The following CDHR2 variants were observed in gnomAD, a reference collection of about 807,000 sequenced individuals.
CDHR2 encodes cadherin-related family member 2.
CDHR2 carries 104 observed loss-of-function variants against 138.6 expected under a neutral mutation model. The observed-to-expected ratio is 0.75, with a 90% CI of 0.64 to 0.88. CDHR2 has a LOEUF of 0.88. Among genes scored for constraint, CDHR2 ranks in the 40% least tolerant of loss-of-function variants. The pLI, the probability that CDHR2 is intolerant of heterozygous loss-of-function variation, is 0.00. For missense variants in CDHR2, 1,624 were observed against 1,727.6 expected (o/e 0.94, Z 1.06); for synonymous variants, 755 against 742.8 (o/e 1.02, Z -0.27).
intron 31 of CDHR2, 138 bp from the exon 32 acceptor site, chr5:176,595,394 A>G: frequency 2.2e-6 from 2 of 905,142 alleles, no homozygotes; most frequent in East Asian, 2.8e-5. Flanking sequence ...CCTGGACCAG[A>G]GGCCCCAGGA....
chr5:176,563,083 C>T (rs886280142), intron 1 of CDHR2, among the ~76,000 whole-genome samples: 2 of 152,154 alleles, frequency 1.3e-5, no homozygotes, highest in Non-Finnish European at 2.9e-5. Flanking sequence ...CGCAGTGGCT[C>T]ACACCTGTAA....
intron 6 of CDHR2, among the ~76,000 whole-genome samples, chr5:176,573,593 G>T: frequency 6.6e-6 from 1 of 151,896 alleles, no homozygotes; most frequent in Non-Finnish European, 1.5e-5. Context: ...GTTACAGTGA[G>T]CCGAGATCGT....
At chr5:176,574,650 T>C (rs1480997895) in intron 7 of CDHR2, among the ~76,000 whole-genome samples, 4 of 152,220 alleles carry the variant, frequency 2.6e-5, no homozygotes, top group Non-Finnish European at 5.9e-5. Context: ...CACATCCTCC[T>C]GTGTGCTTTA....
intron 1 of CDHR2, among the ~76,000 whole-genome samples, chr5:176,557,687 T>TCC (rs1335329921): frequency 0.016 from 295 of 18,086 alleles, 3 homozygotes; most frequent in Admixed American, 0.02. Context: ...TTGATTTTTT[T>TCC]TTCTTTCTTT....
intron 31 of CDHR2, among the ~76,000 whole-genome samples, chr5:176,594,271 G>C (rs192685543): frequency 6.6e-6 from 1 of 152,226 alleles, no homozygotes; most frequent in Non-Finnish European, 1.5e-5. Context: ...TCCTGCAGCA[G>C]TGAGTCTTGC....
intron 24 of CDHR2, among the ~76,000 whole-genome samples, chr5:176,589,863 G>A (rs1758801026): frequency 6.6e-6 from 1 of 152,208 alleles, no homozygotes; most frequent in African/African-American, 2.4e-5. Context: ...GCTGTGTGTT[G>A]CACAAGGGCA....
At chr5:176,581,249 G>A in intron 16 of CDHR2, 94 bp from the exon 17 acceptor site, 3 of 1,512,208 alleles carry the variant, frequency 2.0e-6, no homozygotes, top group Non-Finnish European at 2.7e-6. Flanking sequence ...CTGCCTGCGT[G>A]GGCCAGCGCT....
chr5:176,581,491 C>T lies in CDHR2; in HGVS notation c.1967C>T (p.Ala656Val). 6.2e-7 allele frequency: 1 copy of T among 1,614,150 alleles called. No homozygotes were observed. The highest frequency in any genetic ancestry group is 1.1e-5 in the South Asian group (1 of 91,086). Residue 656 changes from alanine to valine, a missense_variant, in exon 17 of 32, where the codon GCC becomes GTC. By Grantham distance (64) the Ala-to-Val change is moderately conservative. Coordinates refer to ENST00000261944, the MANE Select transcript of CDHR2 (RefSeq NM_017675.6). ...GPLDREAIDPALEGRIVLTVL... is the reference protein window; with the variant it reads ...GPLDREAIDPVLEGRIVLTVL... The stretch of plus-strand genomic sequence containing the variant: ...CTGGACAGAGAGGCCATCGACCCCG[C>T]CCTGGAGGGCCGCATTGTGCTGACA...
chr5:176,579,334 G>A (rs143656132), intron 16 of CDHR2, among the ~76,000 whole-genome samples: 19 of 152,328 alleles, frequency 1.2e-4, no homozygotes, highest in African/African-American at 3.8e-4. Flanking sequence ...GGAAGCAGGC[G>A]GTCTAATAGT....
chr5:176,589,343 C>T lies in CDHR2; in HGVS notation c.3022C>T (p.Leu1008Phe). Residue 1008 changes from leucine (L) to phenylalanine (F), a missense_variant, in exon 23 of 32, where the codon CTC becomes TTC. Leu to Phe is a conservative substitution (Grantham distance 22). Transcript: ENST00000261944. ...CGCCTTCCGCAGGCCGGTGACCAGC[C>T]TCGACTCCACTCTCCAAGGCACCTA... ...FAGSIQPVTS[L>F]DSTLQGTYQV... 1 of 1,555,246 alleles carries T rather than the reference C, an allele frequency of 6.4e-7. No homozygotes were observed. Among genetic ancestry groups the T allele is most frequent in the East Asian group, 2.2e-5 (1 of 44,456 alleles).
At chr5:176,590,819 C>T (rs1282420397) in intron 28 of CDHR2, 132 bp downstream of exon 28, 23 of 1,247,146 alleles carry the variant, frequency 1.8e-5, no homozygotes, top group East Asian at 2.4e-5. Context: ...TGACCCAGTG[C>T]GAGATCTTGG....
At chr5:176,582,539 T>C (rs1379200785) in intron 17 of CDHR2, among the ~76,000 whole-genome samples, 2 of 152,156 alleles carry the variant, frequency 1.3e-5, no homozygotes, top group Non-Finnish European at 2.9e-5. Context: ...ACCTCAGTAC[T>C]TTGGGAGGCC....
chr5:176,563,490 G>GA (rs373377859), intron 1 of CDHR2, among the ~76,000 whole-genome samples: 268 of 148,266 alleles, frequency 1.8e-3, no homozygotes, highest in South Asian at 7.3e-3. Flanking sequence ...TAGAGAAAAA[G>GA]AAAAAAAAAA....
chr5:176,580,840 A>G (rs1179325512), intron 16 of CDHR2, among the ~76,000 whole-genome samples: 2 of 152,242 alleles, frequency 1.3e-5, no homozygotes, highest in Non-Finnish European at 2.9e-5. Flanking sequence ...AGATCGCACC[A>G]TTGCACTCCA....
chr5:176,581,380 G>A lies in CDHR2; in HGVS notation c.1856G>A (p.Arg619His), dbSNP rs374220405. 1.4e-4 allele frequency: 228 copies of A among 1,613,826 alleles called. 1 individual carries two copies. The highest frequency in any genetic ancestry group is 1.8e-4 in the Non-Finnish European group (217 of 1,180,016). The change falls in exon 17 of 32, where the codon CGT becomes CAT. Residue 619 changes from arginine to histidine, a missense_variant. Physicochemically the swap from Arg to His is conservative, Grantham distance 29 (BLOSUM62 0). Around this residue, in one of 3 missense-constraint regions of CDHR2, gnomAD observed 1,061 missense variants for 1,136.6 expected, o/e 0.93. Coordinates refer to ENST00000261944, the MANE Select transcript of CDHR2 (RefSeq NM_017675.6). ...GATGAGCCGGGCACCAACAACAGCC[G>A]TCTGCTCTTCAACCTGCTGCCTGGC... ...DNDEPGTNNS[R>H]LLFNLLPGPY...
chr5:176,551,870 ATTTTT>A lies in CDHR2; in HGVS notation c.-16+2466_-16+2470del, dbSNP rs11312647. ...GCGCCCGCCACCACGCCTGGCTAATATTTTTTTTTTTTTTGGGGAACTTTTAGTAG... is the reference window on the plus strand; with the variant it reads ...GCGCCCGCCACCACGCCTGGCTAATATTTTTTTTTGGGGAACTTTTAGTAG... On this transcript the variant is annotated intron_variant, in intron 1 of 31. Transcript: ENST00000261944. Among the ~76,000 whole-genome samples, 11 of 97,374 alleles carry A rather than the reference ATTTTT, an allele frequency of 1.1e-4. 1 individual carries two copies. The South Asian group carries it at 1.1e-3, about 10-fold the overall frequency. The allele number at this position is 97,374 out of a possible 152,430, so 63.9% of individuals were successfully genotyped here.
chr5:176,552,176 C>T lies in CDHR2; in HGVS notation c.-16+2762C>T, dbSNP rs77252057. 5.3e-3 allele frequency among the ~76,000 whole-genome samples: 800 copies of T among 152,324 alleles called. 10 individuals are homozygous for T. The highest frequency in any genetic ancestry group is 0.018 in the African/African-American group (760 of 41,572). On this transcript the variant is annotated intron_variant, in intron 1 of 31. Transcript: ENST00000261944. ...CAGCCCAGGGGCAACTCCATTCACT[C>T]GGTTTCCATTTGTGCCTTGCTCCTG...
intron 16 of CDHR2, among the ~76,000 whole-genome samples, chr5:176,580,824 C>T (rs368507150): frequency 6.6e-6 from 1 of 152,064 alleles, no homozygotes; most frequent in South Asian, 2.1e-4. Flanking sequence ...TTGCAGTGAG[C>T]AAGAGAGATC....
chr5:176,581,230 G>C, intron 16 of CDHR2, 113 bp from the exon 17 acceptor site: 1 of 1,400,638 alleles, frequency 7.1e-7, no homozygotes, highest in Non-Finnish European at 9.7e-7. Flanking sequence ...GGGGCTCCAG[G>C]CCTGATGACT....
Sources: gnomAD v4.1 joint callset for allele counts (sites outside exome capture counted in the v4.1 genomes callset) on GRCh38, gnomAD v4.1.1 for gene constraint, gnomAD v4.1.1 regional missense constraint, MANE v1.5 for transcripts, NCBI Gene and HGNC (gene_info 2026-07-23, HGNC 2026-07-21) for gene names.